NR2E3: variants seen among roughly 807,000 people sequenced by gnomAD.
The protein encoded by NR2E3 is nuclear receptor subfamily 2 group E member 3.
In NR2E3, 38 loss-of-function variants were observed where a neutral mutation model predicts 37.6. The observed-to-expected ratio is 1.01, with a 90% CI of 0.78 to 1.33. The LOEUF is 1.33. NR2E3 is among the 40% of genes most tolerant of loss of function. The pLI is 0.00. For synonymous variants in NR2E3, 235 were observed against 225.1 expected, an observed-to-expected ratio of 1.04 and a Z score of -0.39; for missense variants, 562 against 558.7, an observed-to-expected ratio of 1.01 and a Z score of -0.06.
chr15:71,814,276 C>T, intron 7 of NR2E3, 159 bp downstream of exon 7: 5 of 1,418,328 alleles, frequency 3.5e-6, no homozygotes, highest in Non-Finnish European at 4.6e-6. Context: ...AGTGCCAGGC[C>T]CCGGGAGTGG....
At chr15:71,816,257 CTTTTTTTT>C (rs59789846) in intron 7 of NR2E3, among the ~76,000 whole-genome samples, 5 of 121,988 alleles carry the variant, frequency 4.1e-5, no homozygotes, top group Non-Finnish European at 8.4e-5. Flanking sequence ...TTAGCAAATA[CTTTTTTTT>C]TTTTTTTTTT....
At position 71,813,582 on chromosome 15, in the gene NR2E3, C is replaced by T. The variant is rs751114266; in HGVS notation, c.941C>T (p.Ala314Val). 17 of 1,613,828 alleles carry T rather than the reference C, an allele frequency of 1.1e-5. No individual in the cohort carries two copies. The highest frequency in any genetic ancestry group is 1.3e-5 in the African/African-American group (1 of 74,948). The change falls in exon 6 of 8, where the codon GCG becomes GTG. Residue 314 changes from alanine (A) to valine (V), a missense_variant. Transcript: ENST00000617575. This position sits in a 1 kb window ranked among gnomAD's most constrained non-coding sequence, Gnocchi z 4.7. ...QETISRFRAL[A>V]VDPTEFACMK... is the part of the protein sequence containing the mutation. The stretch of plus-strand genomic sequence containing the variant: ...ACTATCTCTCGGTTCCGGGCATTGG[C>T]GGTGGACCCCACGGAGTTTGCCTGC...
rs765504086 is a variant in NR2E3, at chr15:71,810,742, C to T, written c.-2C>T. ...AGGCAGGCAGAGGCTGCCCTGTAAC[C>T]CATGGAGACCAGACCAACAGCTCTG... On this transcript the variant is annotated 5_prime_UTR_variant, in exon 1 of 8. Coordinates refer to ENST00000617575, the MANE Select transcript of NR2E3 (RefSeq NM_014249.4). 6.4e-7 allele frequency: 1 copy of T among 1,565,168 alleles called. No individual in the cohort carries two copies. Among genetic ancestry groups the T allele is most frequent in the African/African-American group, 1.4e-5 (1 of 73,670 alleles).
At position 71,817,645 on chromosome 15, in the gene NR2E3, T is replaced by C; in HGVS notation, c.1194T>C (p.Thr398=). The C allele has an allele frequency of 3.1e-6, 5 of 1,608,076 alleles. No individual in the cohort carries two copies. Among genetic ancestry groups the C allele is most frequent in the Non-Finnish European group, 4.3e-6 (5 of 1,174,862 alleles). ...LLFFRKTIGN[T]PMEKLLCDMF... ...TTTTCCGCAAGACCATAGGGAATAC[T>C]CCAATGGAGAAGCTCCTTTGTGATA... is the stretch of plus-strand genomic sequence containing the variant. Residue 398 remains threonine (T), a synonymous_variant, in exon 8 of 8, where the codon ACT becomes ACC. Coordinates refer to ENST00000617575, the MANE Select transcript of NR2E3 (RefSeq NM_014249.4).
At position 71,812,077 on chromosome 15, in the gene NR2E3, C is replaced by T. The variant is rs369486706; in HGVS notation, c.472C>T (p.Arg158Trp). 5.4e-5 allele frequency: 84 copies of T among 1,553,116 alleles called. No individual in the cohort carries two copies. The highest frequency in any genetic ancestry group is 6.5e-5 in the Non-Finnish European group (75 of 1,148,680). The part of the protein sequence containing the change: ...APPAPAGRSP[R>W]GPTPMSAARA... ...CCCGGCCCCGGCAGGGCGCAGCCCA[C>T]GGGGCCCCACACCCATGTCTGCAGC... The change falls in exon 4 of 8, where the codon CGG (arginine) becomes TGG (tryptophan). Residue 158 changes from arginine (R) to tryptophan (W), a missense_variant. Physicochemically the swap from Arg to Trp is moderately radical, Grantham distance 101 (BLOSUM62 -3). Transcript: ENST00000617575.
chr15:71,813,096 C>A lies in NR2E3; in HGVS notation c.748-293C>A, dbSNP rs1259920241. Among the ~76,000 whole-genome samples the A allele has an allele frequency of 6.6e-6, 1 of 152,178 alleles. No homozygotes were observed. Among genetic ancestry groups the A allele is most frequent in the Non-Finnish European group, 1.5e-5 (1 of 68,038 alleles). Reference sequence around the variant, plus strand: ...GGCCACACCACTTGAATACACTCAACTTAGGACACTCATGAGGCATGTCTC... The same window carrying A: ...GGCCACACCACTTGAATACACTCAAATTAGGACACTCATGAGGCATGTCTC... On this transcript the variant is annotated intron_variant, in intron 5 of 7. Coordinates refer to ENST00000617575, the MANE Select transcript of NR2E3 (RefSeq NM_014249.4). This position sits in a 1 kb window ranked among gnomAD's most constrained non-coding sequence, Gnocchi z 4.7.
intron 7 of NR2E3, among the ~76,000 whole-genome samples, chr15:71,816,235 C>T (rs998948769): frequency 3.3e-5 from 5 of 150,374 alleles, no homozygotes; most frequent in Non-Finnish European, 7.4e-5. Flanking sequence ...TTTTGTGTTG[C>T]GGACTCCTGT....
At position 71,813,109 on chromosome 15, in the gene NR2E3, T is replaced by A. The variant is rs768909934; in HGVS notation, c.748-280T>A. Among the ~76,000 whole-genome samples the A allele has an allele frequency of 6.6e-6, 1 of 152,160 alleles. No individual in the cohort carries two copies. Among genetic ancestry groups the A allele is most frequent in the Admixed American group, 6.5e-5 (1 of 15,282 alleles). On this transcript the variant is annotated intron_variant, in intron 5 of 7. Transcript: ENST00000617575. The surrounding 1 kb of genome is among the most constrained non-coding windows in gnomAD (Gnocchi z 4.7). Reference sequence around the variant, plus strand: ...GAATACACTCAACTTAGGACACTCATGAGGCATGTCTCTGAGGCTGCCCAA... The same window carrying A: ...GAATACACTCAACTTAGGACACTCAAGAGGCATGTCTCTGAGGCTGCCCAA...
rs2054208533 is a variant in NR2E3 at position 71,814,052 on chromosome 15, G to T, written c.1035G>T (p.Leu345Phe). 1 of 1,612,870 alleles carries T rather than the reference G, an allele frequency of 6.2e-7. No homozygotes were observed. The highest frequency in any genetic ancestry group is 1.3e-5 in the African/African-American group (1 of 75,036). Residue 345 changes from leucine (L) to phenylalanine (F), a missense_variant, in exon 7 of 8, where the codon TTG becomes TTT. Physicochemically the swap from Leu to Phe is conservative, Grantham distance 22 (BLOSUM62 0). Coordinates refer to ENST00000617575, the MANE Select transcript of NR2E3 (RefSeq NM_014249.4). ...AGGATCCTGAGCACGTAGAGGCCTT[G>T]CAGGACCAGTCCCAAGTGATGCTGA... ...GLKDPEHVEA[L>F]QDQSQVMLSQ...
chr15:71,814,252 G>A (rs2054210583), intron 7 of NR2E3, 135 bp downstream of exon 7: 4 of 1,453,638 alleles, frequency 2.8e-6, no homozygotes, highest in Non-Finnish European at 3.6e-6. Context: ...CAACATCTAT[G>A]GTGTCCCAGG....
At position 71,812,584 on chromosome 15, in the gene NR2E3, G is replaced by A. The variant is rs2054194426; in HGVS notation, c.747+73G>A. On this transcript the variant is annotated intron_variant, in intron 5 of 7. Coordinates refer to ENST00000617575, the MANE Select transcript of NR2E3 (RefSeq NM_014249.4). The stretch of plus-strand genomic sequence containing the variant: ...GCGGCCCACTCGAGTCAACCAGACA[G>A]GGCACACACATCCCCACGCCAGTAT... 16 of 1,339,430 alleles carry A rather than the reference G, an allele frequency of 1.2e-5. No individual in the cohort carries two copies. In the South Asian group the frequency reaches 2.3e-4, roughly 19 times the overall value. 83.0% of individuals were successfully genotyped at this position (1,339,430 alleles called of 1,614,324 possible).
At position 71,814,000 on chromosome 15, in the gene NR2E3, G is replaced by T; in HGVS notation, c.995-12G>T. The T allele has an allele frequency of 6.2e-7, 1 of 1,608,090 alleles. No homozygotes were observed. Among genetic ancestry groups the T allele is most frequent in the Non-Finnish European group, 8.5e-7 (1 of 1,177,842 alleles). Reference sequence around the variant, plus strand: ...AACCTGTGCTAAGCTCACTGGTGCTGCTTCTCCCCAGAGACGCGGGGCCTG... The same window carrying T: ...AACCTGTGCTAAGCTCACTGGTGCTTCTTCTCCCCAGAGACGCGGGGCCTG... On this transcript the variant is annotated splice_polypyrimidine_tract_variant and intron_variant, in intron 6 of 7. Coordinates refer to ENST00000617575, the MANE Select transcript of NR2E3 (RefSeq NM_014249.4). This position sits in a 1 kb window ranked among gnomAD's most constrained non-coding sequence, Gnocchi z 4.7.
rs2054188747 is a variant in NR2E3, at chr15:71,812,104, A to C, written c.499A>C (p.Arg167=). The change falls in exon 4 of 8, where the codon AGA becomes CGA. Residue 167 remains arginine, a synonymous_variant. Coordinates refer to ENST00000617575, the MANE Select transcript of NR2E3 (RefSeq NM_014249.4). ...PRGPTPMSAA[R]ALGHHFMASL... is the part of the protein sequence containing the mutation. The stretch of plus-strand genomic sequence containing the variant: ...GGGCCCCACACCCATGTCTGCAGCC[A>C]GAGCCCTGGGCCACCACTTCATGGC... The C allele has an allele frequency of 6.4e-7, 1 of 1,556,340 alleles. No individual in the cohort carries two copies. Among genetic ancestry groups the C allele is most frequent in the Admixed American group, 1.9e-5 (1 of 51,378 alleles).
Position 71,811,628 on chromosome 15 carries a change from GCTGGGCGTCTGCCCCTGA to G in NR2E3, c.245+20_245+37del. 1 of 1,600,016 alleles carries G rather than the reference GCTGGGCGTCTGCCCCTGA, an allele frequency of 6.2e-7. No individual in the cohort carries two copies. Among genetic ancestry groups the G allele is most frequent in the Non-Finnish European group, 8.5e-7 (1 of 1,173,796 alleles). On this transcript the variant is annotated intron_variant, in intron 2 of 7. Coordinates refer to ENST00000617575, the MANE Select transcript of NR2E3 (RefSeq NM_014249.4). This position sits in a 1 kb window ranked among gnomAD's most constrained non-coding sequence, Gnocchi z 5.6. ...TCTACAGGTGAGTGCGGTGGGCCCT[GCTGGGCGTCTGCCCCTGA>G]GGGGTTCTGGAGGGGTGAGGGGGTG... is the stretch of plus-strand genomic sequence containing the variant.
chr15:71,810,934 G>A (rs2054173636), intron 1 of NR2E3, 73 bp downstream of exon 1: 2 of 1,418,376 alleles, frequency 1.4e-6, no homozygotes, highest in Non-Finnish European at 1.9e-6. Context: ...GGTTCGCAGG[G>A]ACCATGGAAG....
chr15:71,817,027 A>C (rs1382227218), intron 7 of NR2E3, among the ~76,000 whole-genome samples: 1 of 151,964 alleles, frequency 6.6e-6, no homozygotes, highest in Non-Finnish European at 1.5e-5. Context: ...CCTAAACTAA[A>C]TAGAGGGTGG....
At position 71,810,570 on chromosome 15, in the gene NR2E3, C is replaced by G; in HGVS notation, c.-174C>G. The G allele has an allele frequency of 2.2e-6, 2 of 921,258 alleles. No homozygotes were observed. The highest frequency in any genetic ancestry group is 3.2e-6 in the Non-Finnish European group (2 of 626,808). 57.1% of individuals were successfully genotyped at this position (921,258 alleles called of 1,614,324 possible). On this transcript the variant is annotated 5_prime_UTR_variant, in exon 1 of 8. Transcript: ENST00000617575. ...TGCCCCGGGAGAAATCTCCTCAAGC[C>G]AGAGCCTGTGCTGTGAGGGGCTTCG...
In NR2E3 at chr15:71,817,935, C is replaced by T. The variant is rs1207016059; in HGVS notation, c.*251C>T. 2.1e-5 allele frequency: 6 copies of T among 291,418 alleles called. No individual in the cohort carries two copies. Among genetic ancestry groups the T allele is most frequent in the African/African-American group, 1.3e-4 (6 of 47,298 alleles). The allele number at this position is 291,418 out of a possible 1,614,324, so 18.1% of individuals were successfully genotyped here. A position where few individuals can be genotyped will look rare whatever the true frequency, so the allele number is the denominator to read the frequency against. On this transcript the variant is annotated 3_prime_UTR_variant, in exon 8 of 8. Transcript: ENST00000617575. ...AAAATAATTTAAAAAGAATGAATTACGGATACATGTGGCAACACAGGTAAA... is the reference window on the plus strand; with the variant it reads ...AAAATAATTTAAAAAGAATGAATTATGGATACATGTGGCAACACAGGTAAA...
chr15:71,811,715 C>G lies in NR2E3; in HGVS notation c.246-51C>G. ...TGGGCAAAAATGTCCAAGCCCATGGCTCAGGGCATGGGAGGGACACTGACC... is the reference window on the plus strand; with the variant it reads ...TGGGCAAAAATGTCCAAGCCCATGGGTCAGGGCATGGGAGGGACACTGACC... On this transcript the variant is annotated intron_variant, in intron 2 of 7. Transcript: ENST00000617575. The surrounding 1 kb of genome is among the most constrained non-coding windows in gnomAD (Gnocchi z 5.6). 6.5e-7 allele frequency: 1 copy of G among 1,546,956 alleles called. No homozygotes were observed. The highest frequency in any genetic ancestry group is 8.7e-7 in the Non-Finnish European group (1 of 1,142,952).
Sources: gnomAD v4.1 joint callset for allele counts (sites outside exome capture counted in the v4.1 genomes callset) on GRCh38, gnomAD v4.1.1 for gene constraint, Gnocchi (gnomAD v3.1) non-coding constraint, MANE v1.5 for transcripts, NCBI Gene and HGNC (gene_info 2026-07-23, HGNC 2026-07-21) for gene names.